The following SAMD5 variants were observed in gnomAD, a reference collection of about 807,000 sequenced individuals.
The protein encoded by SAMD5 is sterile alpha motif domain-containing protein 5.
In SAMD5, 13 loss-of-function variants were observed where a neutral mutation model predicts 11.3. That is an observed-to-expected ratio of 1.15 (90% CI 0.75 to 1.83). SAMD5 has a LOEUF of 1.83. Among genes scored for constraint, SAMD5 ranks in the 40% most tolerant of loss-of-function variants. The pLI is 0.00. For missense variants in SAMD5, 255 were observed against 239.1 expected, an observed-to-expected ratio of 1.07 and a Z score of -0.44; for synonymous variants, 129 against 111.3, an observed-to-expected ratio of 1.16 and a Z score of -1.00.
At chr6:147,758,270 C>T in the SAMD5 span, among the ~76,000 whole-genome samples, 19 of 152,308 alleles carry the variant, frequency 1.2e-4, no homozygotes, top group Admixed American at 1.2e-3. Flanking sequence ...GATCCATACA[C>T]AGACTCTGAG....
At chr6:147,587,140 G>T (rs1299547530) in intron 1 of SAMD5, among the ~76,000 whole-genome samples, 1 of 151,948 alleles carries the variant, frequency 6.6e-6, no homozygotes. Flanking sequence ...GTTTCCAGAG[G>T]GTAAGGACCA....
chr6:147,674,662 G>C (rs1383992674), intron 1 of SAMD5, among the ~76,000 whole-genome samples: 1 of 152,164 alleles, frequency 6.6e-6, no homozygotes, highest in Admixed American at 6.5e-5. Flanking sequence ...AGTGGATTCT[G>C]CTTTTCTGTC....
chr6:147,877,877 C>T, the SAMD5 span, among the ~76,000 whole-genome samples: 1 of 84,522 alleles, frequency 1.2e-5, no homozygotes, highest in African/African-American at 4.6e-5. Context: ...CACACACACA[C>T]ACACGATAGA....
the SAMD5 span, among the ~76,000 whole-genome samples, chr6:147,875,660 C>T: frequency 6.6e-6 from 1 of 151,956 alleles, no homozygotes; most frequent in East Asian, 2.0e-4. Context: ...CCATCACTCG[C>T]AAAACCGCCT....
At chr6:147,804,844 ACT>A in the SAMD5 span, among the ~76,000 whole-genome samples, 1 of 152,198 alleles carries the variant, frequency 6.6e-6, no homozygotes, top group Admixed American at 6.5e-5. Context: ...ATAAATAACT[ACT>A]GTTATGTCTC....
At chr6:147,895,904 A>C in the SAMD5 span, among the ~76,000 whole-genome samples, 1 of 152,218 alleles carries the variant, frequency 6.6e-6, no homozygotes, top group South Asian at 2.1e-4. Context: ...TTCAAAGACA[A>C]TTTTTGGAAC....
chr6:147,909,601 T>C, the SAMD5 span, among the ~76,000 whole-genome samples: 40 of 71,636 alleles, frequency 5.6e-4, no homozygotes, highest in African/African-American at 3.5e-3. Flanking sequence ...TCTTTCTTTC[T>C]TTCTTTCTTT....
At chr6:147,837,144 A>AG in the SAMD5 span, among the ~76,000 whole-genome samples, 1 of 152,090 alleles carries the variant, frequency 6.6e-6, no homozygotes, top group Admixed American at 6.6e-5. Context: ...GTGGTGGTGA[A>AG]TTTGTTTCTT....
At chr6:147,651,112 A>T (rs970595220) in intron 1 of SAMD5, among the ~76,000 whole-genome samples, 1 of 152,236 alleles carries the variant, frequency 6.6e-6, no homozygotes, top group African/African-American at 2.4e-5. Flanking sequence ...AAACGCCACT[A>T]TTCAGAATGT....
chr6:147,604,952 G>C (rs986476099), intron 1 of SAMD5, among the ~76,000 whole-genome samples: 5 of 152,164 alleles, frequency 3.3e-5, no homozygotes, highest in African/African-American at 9.7e-5. Context: ...AAGCTCTTAA[G>C]TGTGGCCATT....
the SAMD5 span, among the ~76,000 whole-genome samples, chr6:147,767,919 G>A: frequency 6.6e-6 from 1 of 152,148 alleles, no homozygotes; most frequent in African/African-American, 2.4e-5. Context: ...TAGAAACATG[G>A]AGGTAAGTGG....
chr6:147,937,970 G>A, the SAMD5 span, among the ~76,000 whole-genome samples: 20 of 152,264 alleles, frequency 1.3e-4, no homozygotes, highest in East Asian at 5.8e-4. Flanking sequence ...GAATTTTTCA[G>A]TGAGAAAATT....
the SAMD5 span, among the ~76,000 whole-genome samples, chr6:147,921,353 A>G: frequency 6.6e-6 from 1 of 151,836 alleles, no homozygotes; most frequent in African/African-American, 2.4e-5. Context: ...AAGTCTTACC[A>G]AAGGAGAGCC....
At chr6:147,620,996 G>A (rs149884999) in intron 1 of SAMD5, among the ~76,000 whole-genome samples, 46 of 145,770 alleles carry the variant, frequency 3.2e-4, no homozygotes, top group South Asian at 3.1e-3. Context: ...GTGTGCGCGC[G>A]CGCACATGCG....
intron 1 of SAMD5, among the ~76,000 whole-genome samples, chr6:147,519,806 G>T (rs577492344): frequency 6.6e-6 from 1 of 152,306 alleles, no homozygotes; most frequent in East Asian, 1.9e-4. Flanking sequence ...TACAAACCAT[G>T]AAAACTTAAC....
At chr6:147,672,402 A>C (rs1043566331) in intron 1 of SAMD5, among the ~76,000 whole-genome samples, 4 of 152,214 alleles carry the variant, frequency 2.6e-5, no homozygotes, top group Non-Finnish European at 4.4e-5. Context: ...TATAAAATAT[A>C]AAGAGAAAAT....
intron 1 of SAMD5, among the ~76,000 whole-genome samples, chr6:147,616,277 ATTCATATATAC>A (rs59041314): frequency 0.069 from 8,375 of 121,996 alleles, 614 homozygotes; most frequent in African/African-American, 0.18. Context: ...ATATATATTT[ATTCATATATAC>A]TTCATATATA....
the SAMD5 span, among the ~76,000 whole-genome samples, chr6:147,881,660 C>T: frequency 6.6e-6 from 1 of 152,180 alleles, no homozygotes; most frequent in African/African-American, 2.4e-5. Flanking sequence ...CTGTGTTCTG[C>T]ATCTCAATTC....
At chr6:147,875,781 C>T in the SAMD5 span, among the ~76,000 whole-genome samples, 67 of 152,246 alleles carry the variant, frequency 4.4e-4, no homozygotes, top group African/African-American at 1.5e-3. Flanking sequence ...TATGAGAATC[C>T]AGTGCCTGAT....
Sources: allele counts gnomAD v4.1 joint callset (sites outside exome capture counted in the v4.1 genomes callset), GRCh38; gene constraint gnomAD v4.1.1; transcripts MANE v1.5; gene names NCBI Gene and HGNC (gene_info 2026-07-23, HGNC 2026-07-21).